Variants in COL23A1 observed in about 807,000 individuals in gnomAD.
The protein encoded by COL23A1 is collagen type XXIII alpha 1 chain.
COL23A1 carries 97 observed loss-of-function variants against 99.3 expected under a neutral mutation model. That is an observed-to-expected ratio of 0.98 (90% CI 0.83 to 1.16). The LOEUF is 1.16. Ranked by LOEUF, COL23A1 falls within the 50% of genes most tolerant of loss-of-function variation. The pLI is 0.00. For synonymous variants in COL23A1, 320 were observed against 308.2 expected, an observed-to-expected ratio of 1.04 and a Z score of -0.40; for missense variants, 762 against 757.4, an observed-to-expected ratio of 1.01 and a Z score of -0.07.
At position 178,304,237 on chromosome 5, in the gene COL23A1, G is replaced by A. The variant is rs556872707; in HGVS notation, c.406+2638C>T. Among the ~76,000 whole-genome samples, 119 of 152,126 alleles carry A rather than the reference G, an allele frequency of 7.8e-4. 4 individuals carry two copies. The South Asian group carries it at 0.024, about 30-fold the overall frequency. On this transcript the variant is annotated intron_variant, in intron 3 of 28. Coordinates refer to ENST00000390654, the MANE Select transcript of COL23A1 (RefSeq NM_173465.4). Reference sequence around the variant, plus strand: ...AAAAAGAGCCTTTCTCTGTGGGCGCGGTGGCTCACGCCTACAATCCCAGAG... The same window carrying A: ...AAAAAGAGCCTTTCTCTGTGGGCGCAGTGGCTCACGCCTACAATCCCAGAG...
At chr5:178,295,566 C>G (rs1757695331) in intron 3 of COL23A1, among the ~76,000 whole-genome samples, 1 of 152,238 alleles carries the variant, frequency 6.6e-6, no homozygotes, top group African/African-American at 2.4e-5. Flanking sequence ...AGAGAGTGAT[C>G]TGGCAATACT....
At chr5:178,247,584 G>T (rs1291864345) in intron 21 of COL23A1, 32 bp from the exon 22 acceptor site, 1 of 1,613,578 alleles carries the variant, frequency 6.2e-7, no homozygotes, top group Non-Finnish European at 8.5e-7. Flanking sequence ...AAGAAGGCTG[G>T]CTCCGGACCC....
intron 2 of COL23A1, among the ~76,000 whole-genome samples, chr5:178,521,397 C>T (rs1030554926): frequency 2.0e-5 from 3 of 151,698 alleles, no homozygotes; most frequent in Non-Finnish European, 4.4e-5. Flanking sequence ...TCTAAAAATA[C>T]AAAAAATTAG....
intron 2 of COL23A1, among the ~76,000 whole-genome samples, chr5:178,546,477 T>C (rs1197629083): frequency 1.3e-5 from 2 of 152,102 alleles, no homozygotes; most frequent in Non-Finnish European, 2.9e-5. Context: ...CTCCCTCCTC[T>C]CTGCTCCCAG....
intron 2 of COL23A1, among the ~76,000 whole-genome samples, chr5:178,316,962 A>G (rs375048793): frequency 6.6e-6 from 1 of 152,102 alleles, no homozygotes; most frequent in Non-Finnish European, 1.5e-5. Flanking sequence ...GGCTTATTCT[A>G]TGGAGTGAGA....
intron 2 of COL23A1, among the ~76,000 whole-genome samples, chr5:178,424,353 C>T (rs930802599): frequency 6.6e-6 from 1 of 152,218 alleles, no homozygotes; most frequent in African/African-American, 2.4e-5. Flanking sequence ...TGGGCCTGCC[C>T]GCCCAGCATT....
intron 2 of COL23A1, among the ~76,000 whole-genome samples, chr5:178,390,178 C>T (rs1763891065): frequency 6.6e-6 from 1 of 152,222 alleles, no homozygotes; most frequent in African/African-American, 2.4e-5. Flanking sequence ...CCAGTCCTTG[C>T]TACAGGACCA....
intron 2 of COL23A1, among the ~76,000 whole-genome samples, chr5:178,403,163 AC>A (rs1199052371): frequency 6.6e-6 from 1 of 151,538 alleles, no homozygotes; most frequent in Admixed American, 6.6e-5. Context: ...GAAATCTTCT[AC>A]AAGTCAGACA....
In COL23A1 at chr5:178,365,136, C is replaced by CGTGTGTGCGTGT. The variant is rs1554147542; in HGVS notation, c.362-58218_362-58217insACACGCACACAC. ...GGGCTTTATGATGTTGCTGTGTGTG[C>CGTGTGTGCGTGT]GTGTGTGTGTGTGTGTGTGTGTGTG... On this transcript the variant is annotated intron_variant, in intron 2 of 28. Transcript: ENST00000390654. The surrounding 1 kb of genome is among the most constrained non-coding windows in gnomAD (Gnocchi z 5.2). Among the ~76,000 whole-genome samples the CGTGTGTGCGTGT allele has an allele frequency of 6.8e-6, 1 of 147,806 alleles. No individual in the cohort carries two copies. The highest frequency in any genetic ancestry group is 2.1e-4 in the East Asian group (1 of 4,878).
intron 2 of COL23A1, among the ~76,000 whole-genome samples, chr5:178,450,969 G>C (rs1322023176): frequency 6.6e-6 from 1 of 152,168 alleles, no homozygotes; most frequent in Non-Finnish European, 1.5e-5. Flanking sequence ...TTATTTCTAA[G>C]AACGTACTAC....
chr5:178,287,162 C>T (rs1285647033), intron 5 of COL23A1, among the ~76,000 whole-genome samples: 1 of 152,232 alleles, frequency 6.6e-6, no homozygotes, highest in Admixed American at 6.5e-5. Context: ...CAGCTGGGGA[C>T]TGCGGCAGGG....
chr5:178,288,609 C>T (rs1314352151), intron 4 of COL23A1: 2 of 594,436 alleles, frequency 3.4e-6, no homozygotes, highest in Non-Finnish European at 6.2e-6. Context: ...GTGCCCTCCC[C>T]ACGCTGGCCA....
rs534308463 is a variant in COL23A1, at chr5:178,397,409, G to A, written c.362-90490C>T. 1.1e-4 allele frequency among the ~76,000 whole-genome samples: 16 copies of A among 152,320 alleles called. 1 individual carries two copies. The highest frequency in any genetic ancestry group is 3.8e-4 in the African/African-American group (16 of 41,570). On this transcript the variant is annotated intron_variant, in intron 2 of 28. Transcript: ENST00000390654. ...CGGATCAGACATATGTTTCGGGGGA[G>A]AAAACTTAAAAGTACAGCGAGGATT...
At chr5:178,497,726 A>G (rs1758270235) in intron 2 of COL23A1, among the ~76,000 whole-genome samples, 1 of 152,222 alleles carries the variant, frequency 6.6e-6, no homozygotes, top group South Asian at 2.1e-4. Context: ...GTTGAAATAA[A>G]AACATTTAAT....
At chr5:178,389,807 A>G (rs1763867835) in intron 2 of COL23A1, among the ~76,000 whole-genome samples, 1 of 152,194 alleles carries the variant, frequency 6.6e-6, no homozygotes, top group African/African-American at 2.4e-5. Flanking sequence ...ATGAATATAC[A>G]AAGCTGACTG....
intron 2 of COL23A1, among the ~76,000 whole-genome samples, chr5:178,552,837 C>CTGAGT (rs1762071124): frequency 6.6e-6 from 1 of 152,004 alleles, no homozygotes; most frequent in Non-Finnish European, 1.5e-5. Flanking sequence ...CCTCAGTCTC[C>CTGAGT]TGAGTAGCTG....
chr5:178,351,487 C>A lies in COL23A1; in HGVS notation c.362-44568G>T, dbSNP rs1354884897. On this transcript the variant is annotated intron_variant, in intron 2 of 28. Transcript: ENST00000390654. Reference sequence around the variant, plus strand: ...GTGAAAACAGCCAGCAGAGAAATGACCCCCAGGGCTGGTGAGCTGCCACAG... The same window carrying A: ...GTGAAAACAGCCAGCAGAGAAATGAACCCCAGGGCTGGTGAGCTGCCACAG... 2.6e-5 allele frequency among the ~76,000 whole-genome samples: 4 copies of A among 152,102 alleles called. No homozygotes were observed. In the East Asian group the frequency reaches 7.7e-4, roughly 29 times the overall value.
chr5:178,324,959 C>T (rs1313867677), intron 2 of COL23A1, among the ~76,000 whole-genome samples: 1 of 151,960 alleles, frequency 6.6e-6, no homozygotes, highest in African/African-American at 2.4e-5. Context: ...TGCACGCTGG[C>T]CCTACAGGGC....
rs1765262372 is a variant in COL23A1 at position 178,415,607 on chromosome 5, A to G, written c.362-108688T>C. 6.6e-6 allele frequency among the ~76,000 whole-genome samples: 1 copy of G among 152,206 alleles called. No homozygotes were observed. The highest frequency in any genetic ancestry group is 2.1e-4 in the South Asian group (1 of 4,836). On this transcript the variant is annotated intron_variant, in intron 2 of 28. Coordinates refer to ENST00000390654, the MANE Select transcript of COL23A1 (RefSeq NM_173465.4). This position sits in a 1 kb window ranked among gnomAD's most constrained non-coding sequence, Gnocchi z 4.6. ...GTGCTGACTGCTGGCACCAGAGGAC[A>G]GTGCTGCCCCCATCCCGCCCTGGCT...
Sources: gnomAD v4.1 joint callset for allele counts (sites outside exome capture counted in the v4.1 genomes callset) on GRCh38, gnomAD v4.1.1 for gene constraint, Gnocchi (gnomAD v3.1) non-coding constraint, MANE v1.5 for transcripts, NCBI Gene and HGNC (gene_info 2026-07-23, HGNC 2026-07-21) for gene names.